Variants in RGL1 observed in about 807,000 individuals in gnomAD.
The protein encoded by RGL1 is ral guanine nucleotide dissociation stimulator-like 1.
A neutral mutation model predicts 95.2 loss-of-function variants in RGL1; 24 were observed. That is an observed-to-expected ratio of 0.25 (90% CI 0.18 to 0.35). The LOEUF (loss-of-function observed/expected upper bound fraction) is 0.35. Ranked by LOEUF, RGL1 falls within the 10% of genes least tolerant of loss-of-function variation. The pLI, the probability that RGL1 is intolerant of heterozygous loss-of-function variation, is 1.00. For synonymous variants in RGL1, 329 were observed against 344.9 expected (o/e 0.95, Z 0.51); for missense variants, 715 against 936.3 (o/e 0.76, Z 3.08).
At chr1:183,859,727 G>A (rs1426945467) in intron 3 of RGL1, among the ~76,000 whole-genome samples, 1 of 152,100 alleles carries the variant, frequency 6.6e-6, no homozygotes, top group African/African-American at 2.4e-5. Context: ...TAGGGTTCTC[G>A]GCTCAATCTT....
At chr1:183,693,186 C>T (rs577331842) in intron 1 of RGL1, among the ~76,000 whole-genome samples, 4 of 152,128 alleles carry the variant, frequency 2.6e-5, no homozygotes, top group Admixed American at 6.5e-5. Context: ...AGTCTCCTGA[C>T]CTTGTGATCT....
At chr1:183,752,581 C>A (rs1357810219) in intron 2 of RGL1, among the ~76,000 whole-genome samples, 1 of 151,692 alleles carries the variant, frequency 6.6e-6, no homozygotes, top group East Asian at 1.9e-4. Flanking sequence ...ATTCTTTGCT[C>A]ATCAATTCTT....
chr1:183,703,836 G>A (rs949112586), intron 1 of RGL1, among the ~76,000 whole-genome samples: 4 of 152,200 alleles, frequency 2.6e-5, no homozygotes, highest in African/African-American at 9.7e-5. Flanking sequence ...CTGAGTGGCA[G>A]ATAGAGCAGG....
intron 4 of RGL1, among the ~76,000 whole-genome samples, chr1:183,876,724 G>GTGTGTGTCT (rs1666519786): frequency 6.6e-6 from 1 of 152,236 alleles, no homozygotes; most frequent in Admixed American, 6.5e-5. Flanking sequence ...ACATATGTGT[G>GTGTGTGTCT]TGTGTGTCTT....
chr1:183,665,733 C>T (rs1651982005), intron 1 of RGL1, among the ~76,000 whole-genome samples: 1 of 151,896 alleles, frequency 6.6e-6, no homozygotes. Flanking sequence ...GATGATGTCC[C>T]CTCTTTCATT....
chr1:183,928,434 A>G lies in RGL1; in HGVS notation c.*2142A>G, dbSNP rs1388314852. 2.6e-5 allele frequency: 4 copies of G among 152,596 alleles called. No homozygotes were observed. The highest frequency in any genetic ancestry group is 5.9e-5 in the Non-Finnish European group (4 of 68,040). The allele number at this position is 152,596 out of a possible 1,614,324, so 9.5% of individuals were successfully genotyped here. On this transcript the variant is annotated 3_prime_UTR_variant, in exon 18 of 18. Transcript: ENST00000360851. ...CCGGGTAATGCTTTTAGCTGCTCGC[A>G]TGCTTGTCTTTCTGCATCTCCATCA...
At chr1:183,670,619 A>G (rs1652375129) in intron 1 of RGL1, among the ~76,000 whole-genome samples, 1 of 152,060 alleles carries the variant, frequency 6.6e-6, no homozygotes, top group Non-Finnish European at 1.5e-5. Flanking sequence ...TTATGTTCTG[A>G]TAAGTTGTGA....
At chr1:183,664,028 A>G (rs961689507) in intron 1 of RGL1, among the ~76,000 whole-genome samples, 3 of 132,092 alleles carry the variant, frequency 2.3e-5, no homozygotes, top group African/African-American at 8.5e-5. Context: ...ACACATGGAC[A>G]CAGGAAGGGG....
Position 183,808,703 on chromosome 1 carries a change from T to C in RGL1, c.138+2218T>C, listed in dbSNP as rs149652665. ...AGAGTGGGGTCAGGTGAGGAAATTA[T>C]TGCAATATGACAACAACCTTCTGAG... is the stretch of plus-strand genomic sequence containing the variant. On this transcript the variant is annotated intron_variant, in intron 2 of 17. Transcript: ENST00000360851. Among the ~76,000 whole-genome samples the C allele has an allele frequency of 5.2e-3, 791 of 152,262 alleles. 6 individuals carry two copies. Among genetic ancestry groups the C allele is most frequent in the African/African-American group, 0.018 (761 of 41,532 alleles).
chr1:183,918,830 A>G (rs1455187652), intron 16 of RGL1, among the ~76,000 whole-genome samples: 1 of 152,160 alleles, frequency 6.6e-6, no homozygotes, highest in East Asian at 1.9e-4. Context: ...TATTCTGGAG[A>G]GACGACACAC....
intron 1 of RGL1, among the ~76,000 whole-genome samples, chr1:183,686,261 C>T (rs1341111346): frequency 1.3e-5 from 2 of 152,068 alleles, no homozygotes; most frequent in Admixed American, 6.6e-5. Flanking sequence ...AGTAATCATT[C>T]CTGATAAACT....
chr1:183,855,756 G>A (rs1665100845), intron 3 of RGL1, among the ~76,000 whole-genome samples: 1 of 152,082 alleles, frequency 6.6e-6, no homozygotes, highest in Admixed American at 6.6e-5. Flanking sequence ...TGTAGGTGCT[G>A]GTCTCTTATA....
At chr1:183,760,963 C>T (rs1004433508) in intron 2 of RGL1, among the ~76,000 whole-genome samples, 11 of 152,314 alleles carry the variant, frequency 7.2e-5, no homozygotes, top group African/African-American at 2.6e-4. Context: ...TGTGAGATTG[C>T]AGCAATTTAG....
At chr1:183,654,765 ACT>A (rs1651023394) in intron 1 of RGL1, among the ~76,000 whole-genome samples, 1 of 152,264 alleles carries the variant, frequency 6.6e-6, no homozygotes. Context: ...GCCTTTGTCC[ACT>A]AGCACATTTA....
At chr1:183,871,415 C>G (rs543652670) in intron 4 of RGL1, among the ~76,000 whole-genome samples, 21 of 152,342 alleles carry the variant, frequency 1.4e-4, no homozygotes, top group Admixed American at 6.5e-5. Context: ...CAGCAGGAAT[C>G]CAATGACATT....
intron 2 of RGL1, among the ~76,000 whole-genome samples, chr1:183,780,680 C>T (rs1659855903): frequency 6.6e-6 from 1 of 152,146 alleles, no homozygotes; most frequent in Non-Finnish European, 1.5e-5. Flanking sequence ...CTACATGTGT[C>T]ACAACAAAAG....
chr1:183,868,858 G>A (rs1572527451), intron 4 of RGL1, among the ~76,000 whole-genome samples: 2 of 152,224 alleles, frequency 1.3e-5, no homozygotes, highest in South Asian at 2.1e-4. Flanking sequence ...GCTCATGCCT[G>A]TAATCCCAAC....
chr1:183,748,529 T>C (rs7535070), intron 2 of RGL1, among the ~76,000 whole-genome samples: 67,382 of 151,008 alleles, frequency 0.45, 16,036 homozygotes, highest in East Asian at 0.8. Context: ...CCTCAGCCTC[T>C]GGAGTAGCTG....
At chr1:183,812,426 A>G (rs961774851) in intron 2 of RGL1, among the ~76,000 whole-genome samples, 1 of 152,154 alleles carries the variant, frequency 6.6e-6, no homozygotes, top group Non-Finnish European at 1.5e-5. Flanking sequence ...GCATATTTCT[A>G]TATGATTCTG....
Sources: allele counts gnomAD v4.1 joint callset (sites outside exome capture counted in the v4.1 genomes callset), GRCh38; gene constraint gnomAD v4.1.1; transcripts MANE v1.5; gene names NCBI Gene and HGNC (gene_info 2026-07-23, HGNC 2026-07-21).